The following CNBD1 variants were observed in gnomAD, a reference collection of about 807,000 sequenced individuals.
The protein encoded by CNBD1 is cyclic nucleotide-binding domain-containing protein 1.
A neutral mutation model predicts 54.4 loss-of-function variants in CNBD1; 71 were observed. That is an observed-to-expected ratio of 1.30 (90% CI 1.08 to 1.59). The LOEUF is 1.59. Ranked by LOEUF, CNBD1 falls within the 40% of genes most tolerant of loss-of-function variation. CNBD1 has a pLI of 0.00. For synonymous variants in CNBD1, 182 were observed against 170.7 expected (o/e 1.07, Z -0.51); for missense variants, 659 against 518.0 (o/e 1.27, Z -2.64).
At chr8:87,059,209 TA>T (rs1318357571) in intron 4 of CNBD1, among the ~76,000 whole-genome samples, 1 of 152,206 alleles carries the variant, frequency 6.6e-6, no homozygotes, top group Admixed American at 6.5e-5. Flanking sequence ...AGTCATTCAG[TA>T]AGTCTCTAGG....
At position 86,992,622 on chromosome 8, in the gene CNBD1, G is replaced by T. The variant is rs536534642; in HGVS notation, c.431+52868G>T. Among the ~76,000 whole-genome samples the T allele has an allele frequency of 4.6e-5, 7 of 151,998 alleles. No homozygotes were observed. The South Asian group carries it at 1.5e-3, about 32-fold the overall frequency. On this transcript the variant is annotated intron_variant, in intron 4 of 10. Coordinates refer to ENST00000518476, the MANE Select transcript of CNBD1 (RefSeq NM_173538.3). ...GCAAGTGTCATTCTTCTGAATCCATGCTTAACATTCCCTTAAGAGCCTCTC... is the reference window on the plus strand; with the variant it reads ...GCAAGTGTCATTCTTCTGAATCCATTCTTAACATTCCCTTAAGAGCCTCTC...
intron 4 of CNBD1, among the ~76,000 whole-genome samples, chr8:87,194,698 T>G (rs996759455): frequency 6.6e-6 from 1 of 152,208 alleles, no homozygotes; most frequent in Non-Finnish European, 1.5e-5. Flanking sequence ...AATTCCATTT[T>G]AAATGAGTAA....
intron 8 of CNBD1, among the ~76,000 whole-genome samples, chr8:87,316,242 A>T (rs1809383011): frequency 6.6e-6 from 1 of 152,066 alleles, no homozygotes; most frequent in African/African-American, 2.4e-5. Context: ...ACCAACGAAT[A>T]GTAAAATCTC....
chr8:87,171,809 T>C (rs1206500158), intron 4 of CNBD1, among the ~76,000 whole-genome samples: 1 of 140,284 alleles, frequency 7.1e-6, no homozygotes, highest in Non-Finnish European at 1.6e-5. Context: ...GGCTAATTTT[T>C]CTTTTTTTTG....
At chr8:86,895,135 C>G (rs1808830751) in intron 2 of CNBD1, among the ~76,000 whole-genome samples, 1 of 152,138 alleles carries the variant, frequency 6.6e-6, no homozygotes, top group South Asian at 2.1e-4. Context: ...CCTTACAACA[C>G]TGTGGCACTG....
chr8:86,966,851 G>A (rs972596466), intron 4 of CNBD1, among the ~76,000 whole-genome samples: 2 of 152,130 alleles, frequency 1.3e-5, no homozygotes, highest in Admixed American at 6.5e-5. Flanking sequence ...GACCCTAGGG[G>A]GTTGCTGTTG....
intron 6 of CNBD1, among the ~76,000 whole-genome samples, chr8:87,270,204 C>A (rs1563531892): frequency 6.6e-6 from 1 of 151,752 alleles, no homozygotes; most frequent in Non-Finnish European, 1.5e-5. Flanking sequence ...TGATAAAATT[C>A]AACATTTCTT....
intron 4 of CNBD1, among the ~76,000 whole-genome samples, chr8:87,068,818 C>G (rs1401878977): frequency 6.6e-6 from 1 of 152,032 alleles, no homozygotes; most frequent in East Asian, 1.9e-4. Flanking sequence ...AAGCCTCTCT[C>G]AGCCAAGAGG....
chr8:86,947,421 T>C (rs940856985), intron 4 of CNBD1, among the ~76,000 whole-genome samples: 97 of 152,102 alleles, frequency 6.4e-4, no homozygotes, highest in African/African-American at 2.3e-3. Context: ...TAAATTGGGC[T>C]CATTGTACAG....
intron 2 of CNBD1, among the ~76,000 whole-genome samples, chr8:87,390,723 C>T (rs979511943): frequency 2.6e-5 from 4 of 152,104 alleles, no homozygotes; most frequent in African/African-American, 9.7e-5. Context: ...CCATTTGACC[C>T]AGCCATCCCA....
chr8:86,888,736 A>G (rs892409973), intron 2 of CNBD1, among the ~76,000 whole-genome samples: 4 of 152,072 alleles, frequency 2.6e-5, no homozygotes, highest in African/African-American at 9.7e-5. Context: ...CTTTGAATCT[A>G]TCTTATATGT....
intron 3 of CNBD1, among the ~76,000 whole-genome samples, chr8:86,919,391 T>C (rs1243182743): frequency 1.3e-5 from 2 of 152,282 alleles, no homozygotes; most frequent in South Asian, 2.1e-4. Context: ...TGAGTTCTTA[T>C]AGGCCAAACA....
At chr8:87,370,593 ATTTG>A (rs1284663004) in intron 10 of CNBD1, among the ~76,000 whole-genome samples, 3 of 151,822 alleles carry the variant, frequency 2.0e-5, no homozygotes, top group African/African-American at 7.3e-5. Context: ...TTTCTTGTAA[ATTTG>A]TTTAAGTTCA....
At chr8:87,375,313 G>C (rs1211591527) in intron 10 of CNBD1, among the ~76,000 whole-genome samples, 2 of 151,856 alleles carry the variant, frequency 1.3e-5, no homozygotes, top group Non-Finnish European at 2.9e-5. Context: ...GCTGTGTGCT[G>C]TCTGTTAACA....
At chr8:86,899,136 GA>G (rs1212137784) in intron 2 of CNBD1, among the ~76,000 whole-genome samples, 1 of 151,950 alleles carries the variant, frequency 6.6e-6, no homozygotes, top group Admixed American at 6.6e-5. Context: ...CGCAAATACA[GA>G]GATAGAGAAC....
chr8:87,205,926 A>C, intron 4 of CNBD1, 67 bp from the exon 5 acceptor site: 1 of 1,226,338 alleles, frequency 8.2e-7, no homozygotes, highest in Non-Finnish European at 1.1e-6. Context: ...CTTAAAAATT[A>C]AGGATCTGTT....
intron 4 of CNBD1, among the ~76,000 whole-genome samples, chr8:87,187,239 A>C (rs528576650): frequency 6.6e-6 from 1 of 152,102 alleles, no homozygotes; most frequent in Non-Finnish European, 1.5e-5. Context: ...ATAGCTATAT[A>C]AATATTTAAA....
At chr8:87,284,390 A>C (rs1396500396) in intron 6 of CNBD1, among the ~76,000 whole-genome samples, 1 of 152,150 alleles carries the variant, frequency 6.6e-6, no homozygotes, top group South Asian at 2.1e-4. Context: ...TTCAACTACT[A>C]TTTATTGAAT....
At chr8:87,021,306 A>G (rs1554547227) in intron 4 of CNBD1, among the ~76,000 whole-genome samples, 1 of 152,156 alleles carries the variant, frequency 6.6e-6, no homozygotes, top group Non-Finnish European at 1.5e-5. Context: ...AAGTACTTGT[A>G]TAAATGTTTG....
Sources: allele counts gnomAD v4.1 joint callset (sites outside exome capture counted in the v4.1 genomes callset), GRCh38; gene constraint gnomAD v4.1.1; transcripts MANE v1.5; gene names NCBI Gene and HGNC (gene_info 2026-07-23, HGNC 2026-07-21).